Variants in EFCAB12 observed in about 807,000 individuals in gnomAD.
EFCAB12 encodes the protein EF-hand calcium-binding domain-containing protein 12.
Under a neutral mutation model 53.6 loss-of-function variants are expected in EFCAB12, and 43 were observed. The observed-to-expected ratio is 0.80, with a 90% CI of 0.63 to 1.03. The LOEUF is 1.03. EFCAB12 is among the 50% of genes least tolerant of loss of function. The pLI, the probability that EFCAB12 is intolerant of heterozygous loss-of-function variation, is 0.00. For missense variants in EFCAB12, 646 were observed against 730.6 expected (o/e 0.88, Z 1.34); for synonymous variants, 269 against 289.2 (o/e 0.93, Z 0.71).
At chr3:129,404,227 A>T (rs1457885676) in intron 7 of EFCAB12, 23 bp downstream of exon 7, 1 of 1,606,468 alleles carries the variant, frequency 6.2e-7, no homozygotes, top group Non-Finnish European at 8.5e-7. Context: ...CAAGGCAGGG[A>T]GAAAGGGGGT....
At chr3:129,415,109 G>T (rs2072096802) in intron 4 of EFCAB12, 136 bp downstream of exon 4, 14 of 1,102,574 alleles carry the variant, frequency 1.3e-5, no homozygotes, top group Non-Finnish European at 1.6e-5. Context: ...ATTTCCAGAG[G>T]CTTGGCCAAA....
In EFCAB12 at chr3:129,415,399, G is replaced by A. The variant is rs16859327; in HGVS notation, c.684C>T (p.Val228=). Residue 228 remains valine (V), a splice_region_variant and synonymous_variant, in exon 4 of 9, where the codon GTC becomes GTT. Transcript: ENST00000505956. ...REEFIAAVKA[V]GVPLKNQEVE... The stretch of plus-strand genomic sequence containing the variant: ...CCTCTTGGTTCTTCAGAGGGACTCC[G>A]ACCTGAGGAGAGAGAAGACCTTCAG... 0.028 allele frequency: 44,415 copies of A among 1,613,196 alleles called. 5,242 individuals carry two copies. In the East Asian group the frequency reaches 0.4, roughly 15 times the overall value.
chr3:129,426,359 G>GTTTTTTTTTTTTT (rs71620055), intron 1 of EFCAB12, among the ~76,000 whole-genome samples: 164 of 87,782 alleles, frequency 1.9e-3, no homozygotes, highest in African/African-American at 3.6e-3. Flanking sequence ...GTTTTTTTTT[G>GTTTTTTTTTTTTT]TTTTTTTTTT....
intron 2 of EFCAB12, 72 bp downstream of exon 2, chr3:129,421,295 A>C: frequency 6.9e-7 from 1 of 1,458,296 alleles, no homozygotes; most frequent in South Asian, 1.4e-5. Flanking sequence ...TATCCAGCCT[A>C]ACCCAAGGGA....
At chr3:129,415,540 C>A in intron 3 of EFCAB12, 139 bp from the exon 4 acceptor site, 2 of 1,069,642 alleles carry the variant, frequency 1.9e-6, no homozygotes, top group Non-Finnish European at 2.6e-6. Context: ...TACCCAAGGT[C>A]CCTGCTGCAG....
chr3:129,415,463 C>T, intron 3 of EFCAB12, 62 bp from the exon 4 acceptor site: 2 of 1,593,702 alleles, frequency 1.3e-6, no homozygotes, highest in South Asian at 2.3e-5. Flanking sequence ...CTCTGATGGC[C>T]AAGGCCTTAC....
intron 2 of EFCAB12, among the ~76,000 whole-genome samples, 172 bp downstream of exon 2, chr3:129,421,195 T>C: frequency 6.6e-6 from 1 of 152,258 alleles, no homozygotes. Flanking sequence ...TTGGGGGTGT[T>C]TGTTATGCAG....
intron 6 of EFCAB12, among the ~76,000 whole-genome samples, chr3:129,407,431 G>A (rs2071967482): frequency 6.6e-6 from 1 of 152,200 alleles, no homozygotes; most frequent in Non-Finnish European, 1.5e-5. Flanking sequence ...AATTGTGACT[G>A]TAAAGTCTAG....
intron 1 of EFCAB12, among the ~76,000 whole-genome samples, chr3:129,424,861 G>A (rs1343807055): frequency 2.6e-5 from 4 of 152,214 alleles, no homozygotes; most frequent in African/African-American, 9.6e-5. Flanking sequence ...ACAAGGTGGG[G>A]CACCCAGAGG....
chr3:129,420,533 A>G (rs1308911935), intron 2 of EFCAB12, among the ~76,000 whole-genome samples: 1 of 152,204 alleles, frequency 6.6e-6, no homozygotes, highest in Non-Finnish European at 1.5e-5. Context: ...CATTTGTAAA[A>G]GGGGGATCCT....
intron 1 of EFCAB12, among the ~76,000 whole-genome samples, chr3:129,424,466 T>C (rs13326661): frequency 0.047 from 7,150 of 152,280 alleles, 508 homozygotes; most frequent in African/African-American, 0.14. Flanking sequence ...TCTTGGGTTA[T>C]GTAAGATGTG....
intron 8 of EFCAB12, 143 bp downstream of exon 8, chr3:129,402,380 C>T: frequency 2.2e-6 from 2 of 891,274 alleles, no homozygotes; most frequent in Non-Finnish European, 3.6e-6. Flanking sequence ...CCTCCTGGCC[C>T]TCTCTGTGTT....
chr3:129,417,348 A>C lies in EFCAB12; in HGVS notation c.681+906T>G, dbSNP rs532710587. On this transcript the variant is annotated intron_variant, in intron 3 of 8. Transcript: ENST00000505956. ...CAAAAAAAAAAAAAAAACCAAAAAAAAAAAACCCAAAACCAAAAAAAAAAA... is the reference window on the plus strand; with the variant it reads ...CAAAAAAAAAAAAAAAACCAAAAAACAAAAACCCAAAACCAAAAAAAAAAA... Among the ~76,000 whole-genome samples the C allele has an allele frequency of 7.8e-5, 11 of 141,786 alleles. 1 individual carries two copies. Among genetic ancestry groups the C allele is most frequent in the African/African-American group, 2.9e-4 (10 of 34,978 alleles). The allele number at this position is 141,786 out of a possible 152,430, so 93.0% of individuals were successfully genotyped here.
At chr3:129,415,924 A>G (rs371017071) in intron 3 of EFCAB12, among the ~76,000 whole-genome samples, 11 of 152,250 alleles carry the variant, frequency 7.2e-5, no homozygotes, top group African/African-American at 2.4e-4. Context: ...TGGATATTCA[A>G]GAAGAAAAGT....
intron 2 of EFCAB12, among the ~76,000 whole-genome samples, chr3:129,419,810 G>A (rs72986903): frequency 0.064 from 9,755 of 152,236 alleles, 950 homozygotes; most frequent in East Asian, 0.44. Flanking sequence ...CAGCAAGAGA[G>A]GCCAGGCTAA....
chr3:129,418,712 T>C (rs2072152874), intron 2 of EFCAB12, among the ~76,000 whole-genome samples: 1 of 152,136 alleles, frequency 6.6e-6, no homozygotes, highest in Non-Finnish European at 1.5e-5. Flanking sequence ...TCCACATCTC[T>C]CCTGTCAAAC....
intron 1 of EFCAB12, among the ~76,000 whole-genome samples, chr3:129,425,741 C>CA (rs2072262970): frequency 6.6e-6 from 1 of 152,170 alleles, no homozygotes; most frequent in Non-Finnish European, 1.5e-5. Flanking sequence ...GACTATGTGA[C>CA]AATGTTCCTA....
At chr3:129,409,099 CTG>C (rs2071995948) in intron 5 of EFCAB12, among the ~76,000 whole-genome samples, 1 of 152,216 alleles carries the variant, frequency 6.6e-6, no homozygotes, top group Admixed American at 6.5e-5. Context: ...GCACACATGA[CTG>C]TGTAACATAT....
In EFCAB12 at chr3:129,404,356, A is replaced by G; in HGVS notation, c.1297T>C (p.Cys433Arg). The change falls in exon 7 of 9, where the codon TGC becomes CGC. Residue 433 changes from cysteine (C) to arginine (R), a missense_variant. Cys to Arg is a radical substitution (Grantham distance 180). Coordinates refer to ENST00000505956, the MANE Select transcript of EFCAB12 (RefSeq NM_207307.3). The part of the protein sequence containing the change: ...DKIIFQMDKV[C>R]PIRQPGGYYS... ...TAGCCTCCCGGCTGCCGGATGGGGC[A>G]CACTTTGTCCATCTGGAAAATGATC... 1 of 1,613,844 alleles carries G rather than the reference A, an allele frequency of 6.2e-7. No homozygotes were observed. The highest frequency in any genetic ancestry group is 1.1e-5 in the South Asian group (1 of 91,070).
Sources: allele counts gnomAD v4.1 joint callset (sites outside exome capture counted in the v4.1 genomes callset), GRCh38; gene constraint gnomAD v4.1.1; transcripts MANE v1.5; gene names NCBI Gene and HGNC (gene_info 2026-07-23, HGNC 2026-07-21).